WDR37: variants seen among roughly 807,000 people sequenced by gnomAD.
WDR37 encodes WD repeat-containing protein 37.
In WDR37, 19 loss-of-function variants were observed where a neutral mutation model predicts 62.9. The ratio of observed to expected loss-of-function variants is 0.30; its 90% CI spans 0.21 to 0.44. WDR37 has a LOEUF of 0.44. Ranked by LOEUF, WDR37 falls within the 20% of genes least tolerant of loss-of-function variation. WDR37 has a pLI of 1.00. For synonymous variants in WDR37, 250 were observed against 260.9 expected, an observed-to-expected ratio of 0.96 and a Z score of 0.40; for missense variants, 474 against 657.6, an observed-to-expected ratio of 0.72 and a Z score of 3.05.
chr10:1,081,005 C>T (rs1834010958), intron 5 of WDR37, among the ~76,000 whole-genome samples: 1 of 151,784 alleles, frequency 6.6e-6, no homozygotes, highest in East Asian at 1.9e-4. Flanking sequence ...AATATATTGT[C>T]TTTAGAGGGA....
chr10:1,084,900 GA>G (rs1260286842), intron 6 of WDR37, among the ~76,000 whole-genome samples: 1 of 152,250 alleles, frequency 6.6e-6, no homozygotes, highest in Non-Finnish European at 1.5e-5. Context: ...TCTGAGGAAA[GA>G]AATACTTGTT....
chr10:1,076,411 G>A (rs1833879043), intron 2 of WDR37, among the ~76,000 whole-genome samples: 1 of 152,110 alleles, frequency 6.6e-6, no homozygotes, highest in Non-Finnish European at 1.5e-5. Context: ...CACGCGCGGT[G>A]GCTCATGCCT....
rs759950664 is a variant in WDR37 at position 1,093,541 on chromosome 10, T to G, written c.649+45T>G. The G allele has an allele frequency of 4.9e-6, 7 of 1,437,420 alleles. No individual in the cohort carries two copies. The East Asian group carries it at 1.6e-4, about 33-fold the overall frequency. 89.0% of individuals were successfully genotyped at this position (1,437,420 alleles called of 1,614,324 possible). On this transcript the variant is annotated intron_variant, in intron 8 of 13. Coordinates refer to ENST00000263150, the MANE Select transcript of WDR37 (RefSeq NM_014023.4). ...TATTGAACAAAATGATAGATGGTCT[T>G]AAAACAACTATAAATATTCCTTTCT... is the stretch of plus-strand genomic sequence containing the variant.
In WDR37 at chr10:1,101,169, C is replaced by T. The variant is rs975431925; in HGVS notation, c.727-2433C>T. The stretch of plus-strand genomic sequence containing the variant: ...CCCTGCACTTCTCTCATCTCCTGTC[C>T]GTCTCCCCCGTTGTTTTCTGGGGCT... On this transcript the variant is annotated intron_variant, in intron 9 of 13. Coordinates refer to ENST00000263150, the MANE Select transcript of WDR37 (RefSeq NM_014023.4). Among the ~76,000 whole-genome samples the T allele has an allele frequency of 2.8e-4, 43 of 152,212 alleles. 1 individual carries two copies. Among genetic ancestry groups the T allele is most frequent in the East Asian group, 2.7e-3 (14 of 5,190 alleles).
At chr10:1,068,375 T>G (rs1209794670) in intron 1 of WDR37, among the ~76,000 whole-genome samples, 1 of 92,254 alleles carries the variant, frequency 1.1e-5, no homozygotes, top group African/African-American at 4.6e-5. Flanking sequence ...GAGAATGGCG[T>G]GAACCCGGGA....
intron 1 of WDR37, among the ~76,000 whole-genome samples, chr10:1,058,691 A>G (rs142745060): frequency 6.6e-6 from 1 of 152,346 alleles, no homozygotes; most frequent in East Asian, 1.9e-4. Flanking sequence ...AAAACATTTT[A>G]AGCAGGTTAA....
At chr10:1,124,815 G>T (rs1244978026) in intron 12 of WDR37, 95 bp from the exon 13 acceptor site, 1 of 1,493,458 alleles carries the variant, frequency 6.7e-7, no homozygotes, top group African/African-American at 1.4e-5. Context: ...CTTGAAATGT[G>T]AATAATATGG....
At chr10:1,057,449 T>G (rs1486537083) in intron 1 of WDR37, among the ~76,000 whole-genome samples, 2 of 152,152 alleles carry the variant, frequency 1.3e-5, no homozygotes, top group Admixed American at 1.3e-4. Context: ...GAATGGCCTT[T>G]CTTCTCTCCA....
chr10:1,074,389 CA>C, intron 2 of WDR37: 1 of 1,294,962 alleles, frequency 7.7e-7, no homozygotes, highest in Non-Finnish European at 1.0e-6. Flanking sequence ...CAGAGGTCTC[CA>C]AGCCGCACGG....
chr10:1,124,906 G>C lies in WDR37; in HGVS notation c.1239-4G>C, dbSNP rs895098554. ...CACAACCCACTTTTACCTCTTCTTT[G>C]CAGGATCAATGTATGTGTCGGCCAA... On this transcript the variant is annotated splice_region_variant and splice_polypyrimidine_tract_variant and intron_variant, in intron 12 of 13. Transcript: ENST00000263150. The C allele has an allele frequency of 6.2e-7, 1 of 1,613,924 alleles. No individual in the cohort carries two copies. The highest frequency in any genetic ancestry group is 8.5e-7 in the Non-Finnish European group (1 of 1,179,958).
intron 8 of WDR37, among the ~76,000 whole-genome samples, chr10:1,095,826 A>G (rs1421717833): frequency 6.6e-6 from 1 of 152,198 alleles, no homozygotes. Context: ...AGTTGATTGC[A>G]GCTGTAAGTT....
chr10:1,101,698 C>T (rs1834808830), intron 9 of WDR37, among the ~76,000 whole-genome samples: 1 of 152,208 alleles, frequency 6.6e-6, no homozygotes, highest in East Asian at 1.9e-4. Context: ...CCCGGGATTA[C>T]AGGAGCTGTT....
intron 11 of WDR37, among the ~76,000 whole-genome samples, chr10:1,117,409 AGAG>A (rs1835435830): frequency 6.6e-6 from 1 of 152,302 alleles, no homozygotes; most frequent in East Asian, 1.9e-4. Flanking sequence ...TTTAAAAGTG[AGAG>A]GAGATTTAGT....
intron 11 of WDR37, among the ~76,000 whole-genome samples, chr10:1,108,031 C>T (rs948448073): frequency 2.0e-5 from 3 of 152,366 alleles, no homozygotes; most frequent in South Asian, 2.1e-4. Flanking sequence ...CTGTCTATAA[C>T]ACACACTTGT....
At chr10:1,087,718 C>T (rs1025094429) in intron 7 of WDR37, among the ~76,000 whole-genome samples, 3 of 152,176 alleles carry the variant, frequency 2.0e-5, no homozygotes, top group Non-Finnish European at 2.9e-5. Context: ...GGAGATGTAG[C>T]GTAATTCTTA....
intron 11 of WDR37, among the ~76,000 whole-genome samples, chr10:1,119,859 T>G (rs1260931336): frequency 2.0e-5 from 3 of 152,192 alleles, no homozygotes; most frequent in African/African-American, 7.2e-5. Context: ...TTGGGAAATC[T>G]CTCATTATTT....
At chr10:1,091,997 G>A (rs1435838029) in intron 7 of WDR37, among the ~76,000 whole-genome samples, 3 of 150,396 alleles carry the variant, frequency 2.0e-5, no homozygotes, top group South Asian at 4.2e-4. Flanking sequence ...TGGCTAACAC[G>A]GTGAAACCCC....
At chr10:1,127,590 G>A (rs1258873727) in intron 13 of WDR37, among the ~76,000 whole-genome samples, 2 of 152,180 alleles carry the variant, frequency 1.3e-5, no homozygotes, top group African/African-American at 2.4e-5. Flanking sequence ...GCTGGAGTAG[G>A]TGTCACTTCC....
chr10:1,086,463 C>T, intron 7 of WDR37, 106 bp downstream of exon 7: 1 of 862,468 alleles, frequency 1.2e-6, no homozygotes, highest in Non-Finnish European at 1.9e-6. Context: ...GGAAGCCTTA[C>T]TGTTTCGGTT....
Sources: gnomAD v4.1 joint callset for allele counts (sites outside exome capture counted in the v4.1 genomes callset) on GRCh38, gnomAD v4.1.1 for gene constraint, MANE v1.5 for transcripts, NCBI Gene and HGNC (gene_info 2026-07-23, HGNC 2026-07-21) for gene names.